The following TDRD7 variants were observed in gnomAD, a reference collection of about 807,000 sequenced individuals.
TDRD7 encodes the protein tudor domain containing 7, also known as tudor domain-containing protein 7.
In TDRD7, 47 loss-of-function variants were observed where a neutral mutation model predicts 109.8. That is an observed-to-expected ratio of 0.43 (90% CI 0.34 to 0.55). TDRD7 has a LOEUF of 0.55. Among genes scored for constraint, TDRD7 ranks in the 20% least tolerant of loss-of-function variants. The pLI is 0.03. For missense variants in TDRD7, 1,164 were observed against 1,319.2 expected (o/e 0.88, Z 1.82); for synonymous variants, 424 against 457.3 (o/e 0.93, Z 0.93).
intron 2 of TDRD7, among the ~76,000 whole-genome samples, 165 bp downstream of exon 2, chr9:97,428,837 C>G (rs932839327): frequency 6.6e-6 from 1 of 152,216 alleles, no homozygotes; most frequent in East Asian, 1.9e-4. Context: ...AGCCTACATT[C>G]TTATGTCTTT....
intron 6 of TDRD7, among the ~76,000 whole-genome samples, chr9:97,458,909 G>C (rs915318307): frequency 1.3e-5 from 2 of 152,150 alleles, no homozygotes; most frequent in Admixed American, 6.5e-5. Flanking sequence ...TATGGAGAGT[G>C]AAGTAAAAAG....
intron 16 of TDRD7, among the ~76,000 whole-genome samples, chr9:97,491,105 A>G (rs1028033702): frequency 6.6e-6 from 1 of 151,844 alleles, no homozygotes; most frequent in South Asian, 2.1e-4. Context: ...TAGTAGAGAC[A>G]GGCTTTTTCA....
chr9:97,441,552 C>T, intron 5 of TDRD7, 106 bp from the exon 6 acceptor site: 1 of 1,027,582 alleles, frequency 9.7e-7, no homozygotes, highest in South Asian at 1.4e-5. Flanking sequence ...CTTTGGCTAC[C>T]ACAAGCCCAC....
At position 97,487,248 on chromosome 9, in the gene TDRD7, G is replaced by A. The variant is rs771454542; in HGVS notation, c.2992G>A (p.Glu998Lys). 3.7e-6 allele frequency: 6 copies of A among 1,613,888 alleles called. No homozygotes were observed. In the East Asian group the frequency reaches 8.9e-5, roughly 24 times the overall value. ...SVYELDYGKH[E>K]LVNIRKVQPL... ...GTATGAGCTGGATTATGGCAAACAC[G>A]AATTAGTCAACATAAGAAAAGTACA... is the stretch of plus-strand genomic sequence containing the variant. The change falls in exon 16 of 17, where the codon GAA becomes AAA. Residue 998 changes from glutamate to lysine, a missense_variant. Around this residue, in one of 5 missense-constraint regions of TDRD7, gnomAD observed 162 missense variants for 222.5 expected, o/e 0.73. Coordinates refer to ENST00000355295, the MANE Select transcript of TDRD7 (RefSeq NM_014290.3).
chr9:97,487,556 G>A (rs1315861204), intron 16 of TDRD7, among the ~76,000 whole-genome samples: 1 of 151,718 alleles, frequency 6.6e-6, no homozygotes, highest in East Asian at 1.9e-4. Context: ...TACTCCTTCT[G>A]TCTCTGGTTT....
At chr9:97,486,136 C>T (rs1829208674) in intron 15 of TDRD7, among the ~76,000 whole-genome samples, 2 of 152,168 alleles carry the variant, frequency 1.3e-5, no homozygotes, top group South Asian at 4.1e-4. Flanking sequence ...TTCTGGTGGG[C>T]TTCTGGCTGG....
At chr9:97,413,732 C>T (rs1827763852) in intron 1 of TDRD7, among the ~76,000 whole-genome samples, 1 of 152,168 alleles carries the variant, frequency 6.6e-6, no homozygotes, top group Admixed American at 6.5e-5. Context: ...AATCCAGGGC[C>T]CTTTGGTGGC....
At chr9:97,494,104 G>A (rs1485446393) in intron 16 of TDRD7, among the ~76,000 whole-genome samples, 1 of 152,174 alleles carries the variant, frequency 6.6e-6, no homozygotes, top group African/African-American at 2.4e-5. Flanking sequence ...AAATCACAAG[G>A]GTATTGATTG....
At chr9:97,430,027 A>G (rs1828073151) in intron 2 of TDRD7, among the ~76,000 whole-genome samples, 1 of 152,180 alleles carries the variant, frequency 6.6e-6, no homozygotes, top group Non-Finnish European at 1.5e-5. Flanking sequence ...AGTCTCAGAA[A>G]TAGAAATACT....
At chr9:97,436,932 A>G (rs1420788794) in intron 4 of TDRD7, among the ~76,000 whole-genome samples, 2 of 152,204 alleles carry the variant, frequency 1.3e-5, no homozygotes, top group Non-Finnish European at 2.9e-5. Flanking sequence ...GTACCAGGCT[A>G]TTCACATTAT....
At chr9:97,439,560 C>T (rs886419803) in intron 5 of TDRD7, among the ~76,000 whole-genome samples, 1 of 152,206 alleles carries the variant, frequency 6.6e-6, no homozygotes, top group Non-Finnish European at 1.5e-5. Flanking sequence ...CTCTGTGTCA[C>T]CTCTATGTGT....
chr9:97,471,435 T>C (rs1828910726), intron 9 of TDRD7, among the ~76,000 whole-genome samples: 1 of 152,200 alleles, frequency 6.6e-6, no homozygotes, highest in Non-Finnish European at 1.5e-5. Flanking sequence ...TTTTAAAAAC[T>C]TGTTAACAAC....
chr9:97,476,255 C>T (rs991466656), intron 12 of TDRD7, among the ~76,000 whole-genome samples: 9 of 152,184 alleles, frequency 5.9e-5, no homozygotes, highest in African/African-American at 2.2e-4. Flanking sequence ...CTGCCCAAGA[C>T]AATTTTGGCT....
chr9:97,459,506 CCTT>C lies in TDRD7; in HGVS notation c.856-666_856-664del, dbSNP rs1337278750. 2.0e-4 allele frequency among the ~76,000 whole-genome samples: 31 copies of C among 152,308 alleles called. 1 individual carries two copies. In the South Asian group the frequency reaches 6.2e-3, roughly 31 times the overall value. On this transcript the variant is annotated intron_variant, in intron 6 of 16. Coordinates refer to ENST00000355295, the MANE Select transcript of TDRD7 (RefSeq NM_014290.3). ...TATGCCATACATCAGTTTCTCTTCT[CCTT>C]CTTCTCTTACATAAAAATATGTCAT...
At chr9:97,494,042 T>A in intron 16 of TDRD7, among the ~76,000 whole-genome samples, 1 of 152,158 alleles carries the variant, frequency 6.6e-6, no homozygotes, top group Non-Finnish European at 1.5e-5. Context: ...TACATCCTCC[T>A]CATCTTACAA....
At chr9:97,459,885 A>G (rs1564205752) in intron 6 of TDRD7, among the ~76,000 whole-genome samples, 1 of 152,228 alleles carries the variant, frequency 6.6e-6, no homozygotes, top group Non-Finnish European at 1.5e-5. Context: ...AAACAACTAA[A>G]TGAGAGTACA....
chr9:97,441,350 A>G (rs897523525), intron 5 of TDRD7, among the ~76,000 whole-genome samples: 6 of 148,158 alleles, frequency 4.0e-5, no homozygotes, highest in Admixed American at 6.8e-5. Context: ...TGGTTAAATA[A>G]TTTAATTATT....
intron 1 of TDRD7, among the ~76,000 whole-genome samples, chr9:97,427,416 A>G (rs988462417): frequency 1.3e-5 from 2 of 152,020 alleles, no homozygotes; most frequent in African/African-American, 4.8e-5. Context: ...CATTTCTTGA[A>G]TGGTAGCCTT....
chr9:97,446,613 C>G (rs1353440265), intron 6 of TDRD7, among the ~76,000 whole-genome samples: 1 of 152,170 alleles, frequency 6.6e-6, no homozygotes, highest in Non-Finnish European at 1.5e-5. Context: ...CCTGCAGACT[C>G]TTAAAAATTC....
Sources: allele counts gnomAD v4.1 joint callset (sites outside exome capture counted in the v4.1 genomes callset), GRCh38; gene constraint gnomAD v4.1.1; regional missense constraint gnomAD v4.1.1; transcripts MANE v1.5; gene names NCBI Gene and HGNC (gene_info 2026-07-23, HGNC 2026-07-21).